GABRB1: variants seen among roughly 807,000 people sequenced by gnomAD.
GABRB1 encodes gamma-aminobutyric acid receptor subunit beta-1.
A neutral mutation model predicts 51.6 loss-of-function variants in GABRB1; 17 were observed. That is an observed-to-expected ratio of 0.33 (90% CI 0.23 to 0.49). GABRB1 has a LOEUF of 0.49. Ranked by LOEUF, GABRB1 falls within the 20% of genes least tolerant of loss-of-function variation. GABRB1 has a pLI of 0.99. For missense variants in GABRB1, 410 were observed against 600.6 expected (o/e 0.68, Z 3.32); for synonymous variants, 247 against 218.9 (o/e 1.13, Z -1.14).
At chr4:47,074,963 C>G (rs1444284273) in intron 3 of GABRB1, among the ~76,000 whole-genome samples, 1 of 152,144 alleles carries the variant, frequency 6.6e-6, no homozygotes, top group Non-Finnish European at 1.5e-5. Context: ...AATTTCCTTC[C>G]TCTCTTGCCA....
At chr4:47,019,672 T>TTTCTTTCTTTCTTTCTTTCTTTCC (rs1560498213) in intron 1 of GABRB1, among the ~76,000 whole-genome samples, 2 of 141,040 alleles carry the variant, frequency 1.4e-5, no homozygotes, top group Non-Finnish European at 3.1e-5. Flanking sequence ...TCTTTCTTTC[T>TTTCTTTCTTTCTTTCTTTCTTTCC]TTCTTTCCTT....
intron 4 of GABRB1, among the ~76,000 whole-genome samples, chr4:47,170,195 T>C (rs1300424100): frequency 6.6e-6 from 1 of 152,144 alleles, no homozygotes; most frequent in Non-Finnish European, 1.5e-5. Context: ...AATCAATTTT[T>C]TTATATTCTT....
chr4:47,172,631 C>CTTTT (rs71195611), intron 4 of GABRB1, among the ~76,000 whole-genome samples: 1 of 65,798 alleles, frequency 1.5e-5, no homozygotes, highest in Non-Finnish European at 2.6e-5. Context: ...TTAGATTTAA[C>CTTTT]TTTTTTTTTT....
At chr4:47,278,622 C>G (rs1043879012) in intron 4 of GABRB1, among the ~76,000 whole-genome samples, 1 of 150,586 alleles carries the variant, frequency 6.6e-6, no homozygotes, top group East Asian at 2.0e-4. Context: ...TAGGTTTTTG[C>G]CTTTTGCCTG....
intron 1 of GABRB1, among the ~76,000 whole-genome samples, chr4:46,997,305 T>C (rs189079480): frequency 6.6e-6 from 1 of 152,044 alleles, no homozygotes. Flanking sequence ...CCTTTTTGTG[T>C]GTGAGGATCG....
chr4:47,409,070 C>G (rs1439523597), intron 8 of GABRB1, among the ~76,000 whole-genome samples: 1 of 152,190 alleles, frequency 6.6e-6, no homozygotes, highest in African/African-American at 2.4e-5. Context: ...GCCATGCACT[C>G]AAACCTTATG....
At chr4:47,081,169 G>C (rs1040270397) in intron 3 of GABRB1, among the ~76,000 whole-genome samples, 22 of 152,086 alleles carry the variant, frequency 1.4e-4, no homozygotes, top group African/African-American at 5.3e-4. Context: ...AAGACACAAA[G>C]AACCTAATGG....
intron 4 of GABRB1, among the ~76,000 whole-genome samples, chr4:47,191,674 A>G (rs1184586732): frequency 6.6e-6 from 1 of 152,106 alleles, no homozygotes; most frequent in African/African-American, 2.4e-5. Context: ...AATTTAGTCT[A>G]CCTTTCCAGA....
At chr4:47,012,803 T>C (rs1320262893) in intron 1 of GABRB1, among the ~76,000 whole-genome samples, 5 of 152,208 alleles carry the variant, frequency 3.3e-5, no homozygotes, top group African/African-American at 1.2e-4. Context: ...AGAAAACACA[T>C]GAGATATTTA....
intron 3 of GABRB1, among the ~76,000 whole-genome samples, chr4:47,081,563 C>A (rs1727845051): frequency 6.6e-6 from 1 of 152,082 alleles, no homozygotes; most frequent in Non-Finnish European, 1.5e-5. Context: ...ACAATTTTTG[C>A]ATTCAAGGAT....
At chr4:47,227,866 G>A (rs975300562) in intron 4 of GABRB1, among the ~76,000 whole-genome samples, 5 of 152,062 alleles carry the variant, frequency 3.3e-5, no homozygotes, top group Admixed American at 6.6e-5. Flanking sequence ...GTTTCTTCAC[G>A]TAGTCATCCT....
intron 4 of GABRB1, among the ~76,000 whole-genome samples, chr4:47,201,094 C>T (rs1344862810): frequency 6.6e-6 from 1 of 152,056 alleles, no homozygotes; most frequent in African/African-American, 2.4e-5. Flanking sequence ...TGTAACCTCC[C>T]TGAACTGTGC....
At chr4:47,134,993 G>T (rs1716578215) in intron 3 of GABRB1, among the ~76,000 whole-genome samples, 2 of 152,080 alleles carry the variant, frequency 1.3e-5, no homozygotes, top group African/African-American at 2.4e-5. Flanking sequence ...AGGTGTAGTG[G>T]CATGTGCCCG....
At chr4:47,412,452 T>A (rs1728789121) in intron 8 of GABRB1, among the ~76,000 whole-genome samples, 1 of 152,218 alleles carries the variant, frequency 6.6e-6, no homozygotes, top group South Asian at 2.1e-4. Context: ...CAGACTGTCT[T>A]ACTGTTCCTA....
chr4:47,192,998 G>A (rs1030601407), intron 4 of GABRB1, among the ~76,000 whole-genome samples: 1 of 152,150 alleles, frequency 6.6e-6, no homozygotes, highest in African/African-American at 2.4e-5. Flanking sequence ...TCAAACTGAG[G>A]TACTCAGGCT....
Position 47,213,968 on chromosome 4 carries a change from C to T in GABRB1, c.461+52499C>T, listed in dbSNP as rs147316764. ...TAAGTAAGACTCTTAATTTTCTCTG[C>T]TTTTTTCCTTCTCTCTGTTCATCCC... is the stretch of plus-strand genomic sequence containing the variant. On this transcript the variant is annotated intron_variant, in intron 4 of 8. Coordinates refer to ENST00000295454, the MANE Select transcript of GABRB1 (RefSeq NM_000812.4). Among the ~76,000 whole-genome samples, 465 of 151,896 alleles carry T rather than the reference C, an allele frequency of 3.1e-3. 4 individuals carry two copies. The highest frequency in any genetic ancestry group is 0.01 in the African/African-American group (414 of 41,388).
intron 4 of GABRB1, among the ~76,000 whole-genome samples, chr4:47,217,800 A>G (rs981793650): frequency 2.0e-4 from 31 of 151,930 alleles, no homozygotes; most frequent in Non-Finnish European, 3.8e-4. Context: ...TATTAAGGAT[A>G]TCCAACACTT....
intron 4 of GABRB1, among the ~76,000 whole-genome samples, chr4:47,258,483 C>T (rs1722303490): frequency 6.6e-6 from 1 of 152,040 alleles, no homozygotes; most frequent in Admixed American, 6.6e-5. Flanking sequence ...ATAAATCTGG[C>T]AATGTGGCCA....
intron 3 of GABRB1, among the ~76,000 whole-genome samples, chr4:47,118,261 TAA>T (rs1006230543): frequency 6.6e-6 from 1 of 152,128 alleles, no homozygotes; most frequent in Non-Finnish European, 1.5e-5. Context: ...TTTTGCCCTT[TAA>T]AATACTAGTT....
Sources: allele counts gnomAD v4.1 joint callset (sites outside exome capture counted in the v4.1 genomes callset), GRCh38; gene constraint gnomAD v4.1.1; transcripts MANE v1.5; gene names NCBI Gene and HGNC (gene_info 2026-07-23, HGNC 2026-07-21).